The following RIOK2 variants were observed in gnomAD, a reference collection of about 807,000 sequenced individuals.
RIOK2 encodes RIO kinase 2, also known as serine/threonine-protein kinase RIO2.
A neutral mutation model predicts 62.4 loss-of-function variants in RIOK2; 46 were observed. The ratio of observed to expected loss-of-function variants is 0.74; its 90% confidence interval spans 0.58 to 0.94. The LOEUF is 0.94. Among genes scored for constraint, RIOK2 ranks in the 40% least tolerant of loss-of-function variants. RIOK2 has a pLI of 0.00. For missense variants in RIOK2, 574 were observed against 658.0 expected (o/e 0.87, Z 1.40); for synonymous variants, 197 against 216.0 (o/e 0.91, Z 0.77).
chr5:97,163,297 T>G, intron 9 of RIOK2, 72 bp from the exon 10 acceptor site: 1 of 1,210,172 alleles, frequency 8.3e-7, no homozygotes, highest in African/African-American at 1.5e-5. Flanking sequence ...ATATCTGTTC[T>G]ATTTATATAT....
chr5:97,170,927 G>T (rs1748985968), intron 6 of RIOK2, among the ~76,000 whole-genome samples: 1 of 152,088 alleles, frequency 6.6e-6, no homozygotes, highest in African/African-American at 2.4e-5. Flanking sequence ...GCCGAGGCGG[G>T]TGGATCACCT....
intron 1 of RIOK2, among the ~76,000 whole-genome samples, chr5:97,180,455 T>C (rs1014057840): frequency 6.6e-6 from 1 of 151,776 alleles, no homozygotes; most frequent in Admixed American, 6.6e-5. Context: ...CTGAGTACAG[T>C]AGCAGCTCAG....
intron 7 of RIOK2, 49 bp from the exon 8 acceptor site, chr5:97,168,040 T>C (rs1748896714): frequency 6.6e-7 from 1 of 1,506,440 alleles, no homozygotes; most frequent in African/African-American, 1.4e-5. Flanking sequence ...AATGTTTATC[T>C]AAGAGGAGCA....
At chr5:97,164,639 T>C (rs1748796588) in intron 9 of RIOK2, among the ~76,000 whole-genome samples, 1 of 152,208 alleles carries the variant, frequency 6.6e-6, no homozygotes, top group Non-Finnish European at 1.5e-5. Context: ...TCATTAATCT[T>C]CAGCTCATAT....
chr5:97,168,862 C>CG lies in RIOK2; in HGVS notation c.780-11_780-10insC. The CG allele has an allele frequency of 6.6e-7, 1 of 1,525,296 alleles. No individual in the cohort carries two copies. The highest frequency in any genetic ancestry group is 8.9e-7 in the Non-Finnish European group (1 of 1,117,846). The allele number at this position is 1,525,296 out of a possible 1,614,324, so 94.5% of individuals were successfully genotyped here. A position where few individuals can be genotyped will look rare whatever the true frequency, so the allele number is the denominator to read the frequency against. On this transcript the variant is annotated splice_polypyrimidine_tract_variant and intron_variant, in intron 6 of 9. Coordinates refer to ENST00000283109, the MANE Select transcript of RIOK2 (RefSeq NM_018343.3). ...ATCTCTGTCAAAATACCTGCAAAAG[C>CG]AAGAATCATTTATGATATAGTCTTT...
At chr5:97,180,175 C>T (rs1749366246) in intron 1 of RIOK2, among the ~76,000 whole-genome samples, 1 of 94,042 alleles carries the variant, frequency 1.1e-5, no homozygotes, top group Non-Finnish European at 2.4e-5. Context: ...CTTTTTACCT[C>T]TGAGAAATTT....
intron 7 of RIOK2, 46 bp downstream of exon 7, chr5:97,168,714 A>T (rs1466817127): frequency 3.4e-5 from 39 of 1,146,654 alleles, no homozygotes; most frequent in Non-Finnish European, 4.5e-5. Context: ...TACACAGACC[A>T]GATATTTAAA....
intron 4 of RIOK2, among the ~76,000 whole-genome samples, chr5:97,175,154 G>C (rs535854693): frequency 1.3e-5 from 2 of 152,118 alleles, no homozygotes; most frequent in South Asian, 4.2e-4. Context: ...TATTTCTTTG[G>C]CATCCACTCC....
chr5:97,181,443 G>A (rs904076371), intron 1 of RIOK2, among the ~76,000 whole-genome samples: 4 of 152,088 alleles, frequency 2.6e-5, no homozygotes, highest in Non-Finnish European at 4.4e-5. Context: ...GAATGTTTGG[G>A]AGCAGAATTC....
chr5:97,164,134 C>T (rs548787803), intron 9 of RIOK2, among the ~76,000 whole-genome samples: 3 of 152,112 alleles, frequency 2.0e-5, no homozygotes, highest in Admixed American at 6.5e-5. Flanking sequence ...TCAAGCGATC[C>T]TTCCACCTTG....
In RIOK2 at chr5:97,167,745, A is replaced by G; in HGVS notation, c.1119T>C (p.Pro373=). 3 of 1,614,152 alleles carry G rather than the reference A, an allele frequency of 1.9e-6. No homozygotes were observed. The highest frequency in any genetic ancestry group is 1.7e-6 in the Non-Finnish European group (2 of 1,180,022). Residue 373 remains proline (P), a synonymous_variant, in exon 8 of 10, where the codon CCT becomes CCC. Transcript: ENST00000283109. ...EGCYCRSSGD[P]EQIKEDSLSE... is the part of the protein sequence containing the mutation. ...ATAAACTGTCTTCCTTTATTTGTTC[A>G]GGGTCTCCAGATGATCTGCAATAGC... is the stretch of plus-strand genomic sequence containing the variant.
rs1166020014 is a variant in RIOK2 at position 97,161,414 on chromosome 5, C to T, written c.*1647G>A. 7.7e-6 allele frequency: 1 copy of T among 130,606 alleles called. No homozygotes were observed. The highest frequency in any genetic ancestry group is 2.5e-5 in the African/African-American group (1 of 40,328). The allele number at this position is 130,606 out of a possible 1,614,324, so 8.1% of individuals were successfully genotyped here. On this transcript the variant is annotated 3_prime_UTR_variant, in exon 10 of 10. Coordinates refer to ENST00000283109, the MANE Select transcript of RIOK2 (RefSeq NM_018343.3). ...CTAATTGATGGCTAGCCAAACATAT[C>T]TTCAAAAAATAACTATTATAATTAT...
intron 6 of RIOK2, among the ~76,000 whole-genome samples, chr5:97,170,468 G>C (rs1404843058): frequency 6.6e-6 from 1 of 152,156 alleles, no homozygotes; most frequent in East Asian, 1.9e-4. Flanking sequence ...AGATCATCGA[G>C]ATTACTGAGT....
At chr5:97,179,979 T>A (rs10036496) in intron 1 of RIOK2, among the ~76,000 whole-genome samples, 347 of 31,152 alleles carry the variant, frequency 0.011, 27 homozygotes, top group African/African-American at 0.033. Context: ...ATATATATAA[T>A]ATATATATAT....
At chr5:97,175,271 T>G (rs1172422609) in intron 4 of RIOK2, among the ~76,000 whole-genome samples, 1 of 152,208 alleles carries the variant, frequency 6.6e-6, no homozygotes, top group East Asian at 1.9e-4. Flanking sequence ...TTTCTTTGCT[T>G]TGTTTTTAAA....
Position 97,168,000 on chromosome 5 carries a change from A to C in RIOK2, c.873-9T>G. On this transcript the variant is annotated splice_polypyrimidine_tract_variant and intron_variant, in intron 7 of 9. Transcript: ENST00000283109. The stretch of plus-strand genomic sequence containing the variant: ...CAAGAGTGTCTTCTCTCCTAGAAAA[A>C]AAAGGCGTCAAGCATAGAAAGAGAG... 6.4e-7 allele frequency: 1 copy of C among 1,571,538 alleles called. No individual in the cohort carries two copies. The highest frequency in any genetic ancestry group is 2.2e-5 in the East Asian group (1 of 44,626).
chr5:97,169,843 C>T (rs1337833143), intron 6 of RIOK2, among the ~76,000 whole-genome samples: 1 of 152,212 alleles, frequency 6.6e-6, no homozygotes, highest in South Asian at 2.1e-4. Flanking sequence ...CCTAGAATGT[C>T]ATAATCTGTC....
chr5:97,172,024 T>C (rs1363688556), intron 5 of RIOK2, among the ~76,000 whole-genome samples: 3 of 152,208 alleles, frequency 2.0e-5, no homozygotes, highest in East Asian at 1.9e-4. Context: ...GACACCATTC[T>C]CTCCAGGTGT....
intron 7 of RIOK2, 55 bp from the exon 8 acceptor site, chr5:97,168,046 G>A: frequency 6.7e-7 from 1 of 1,484,390 alleles, no homozygotes; most frequent in Non-Finnish European, 9.0e-7. Context: ...TATCTAAGAG[G>A]AGCAAATATC....
Sources: gnomAD v4.1 joint callset for allele counts (sites outside exome capture counted in the v4.1 genomes callset) on GRCh38, gnomAD v4.1.1 for gene constraint, MANE v1.5 for transcripts, NCBI Gene and HGNC (gene_info 2026-07-23, HGNC 2026-07-21) for gene names.